IL7: variants seen among roughly 807,000 people sequenced by gnomAD.
The protein encoded by IL7 is interleukin-7.
A neutral mutation model predicts 21.6 loss-of-function variants in IL7; 3 were observed. The observed-to-expected ratio is 0.14, with a 90% CI of 0.06 to 0.36. IL7 has a LOEUF of 0.36. Ranked by LOEUF, IL7 falls within the 10% of genes least tolerant of loss-of-function variation. The pLI is 1.00. For synonymous variants in IL7, 62 were observed against 68.1 expected (o/e 0.91, Z 0.44); for missense variants, 175 against 200.2 (o/e 0.87, Z 0.76).
At chr8:78,686,634 T>C (rs752036141) in intron 3 of IL7, 2 of 1,444,150 alleles carry the variant, frequency 1.4e-6, no homozygotes, top group Non-Finnish European at 1.8e-6. Flanking sequence ...TTGACAGAAA[T>C]GTTCATGTGG....
chr8:78,743,725 C>T (rs139720920), intron 2 of IL7, among the ~76,000 whole-genome samples: 2 of 152,286 alleles, frequency 1.3e-5, no homozygotes, highest in African/African-American at 2.4e-5. Context: ...GAGGTTTCAG[C>T]ATTCTTGCTC....
intron 3 of IL7, among the ~76,000 whole-genome samples, chr8:78,702,952 T>C (rs964384487): frequency 6.6e-6 from 1 of 152,110 alleles, no homozygotes; most frequent in Non-Finnish European, 1.5e-5. Flanking sequence ...GCTATAGTGC[T>C]GTGGCATGAT....
intron 2 of IL7, among the ~76,000 whole-genome samples, chr8:78,776,065 T>G (rs566815543): frequency 6.6e-6 from 1 of 152,168 alleles, no homozygotes; most frequent in East Asian, 1.9e-4. Context: ...ATGATAAAAC[T>G]TTAATTTATA....
At chr8:78,696,443 G>C (rs1274371644) in intron 3 of IL7, among the ~76,000 whole-genome samples, 2 of 152,214 alleles carry the variant, frequency 1.3e-5, no homozygotes, top group African/African-American at 4.8e-5. Context: ...GCTAGAACCA[G>C]CATGAGTCTA....
At chr8:78,729,708 A>C (rs1191481257), downstream of IL7, among the ~76,000 whole-genome samples, 6 of 151,994 alleles carry the variant, frequency 3.9e-5, no homozygotes, top group African/African-American at 1.2e-4. Context: ...GATGCTCCTC[A>C]AGCTGAACTT....
intron 3 of IL7, among the ~76,000 whole-genome samples, chr8:78,702,298 G>T (rs530086646): frequency 6.6e-6 from 1 of 152,124 alleles, no homozygotes; most frequent in East Asian, 1.9e-4. Flanking sequence ...GTATTTCTAT[G>T]GGGTCAAGTG....
downstream of IL7, chr8:78,717,583 G>A (rs1811147692): frequency 1.5e-6 from 2 of 1,379,296 alleles, no homozygotes; most frequent in East Asian, 4.6e-5. Flanking sequence ...GTTAGTTTGT[G>A]CTAAAAATAC....
chr8:78,713,307 T>C (rs1484440756), downstream of IL7, among the ~76,000 whole-genome samples: 2 of 152,068 alleles, frequency 1.3e-5, no homozygotes, highest in Non-Finnish European at 2.9e-5. Flanking sequence ...GTATTTAATA[T>C]TGGTAGCTAT....
chr8:78,730,627 C>T (rs549215792), downstream of IL7, among the ~76,000 whole-genome samples: 6 of 151,982 alleles, frequency 3.9e-5, no homozygotes, highest in South Asian at 1.2e-3. Context: ...AATGTGTTTT[C>T]TAGATGATTT....
chr8:78,709,447 T>C (rs1226282352), intron 3 of IL7, among the ~76,000 whole-genome samples: 3 of 152,202 alleles, frequency 2.0e-5, no homozygotes, highest in Non-Finnish European at 4.4e-5. Context: ...CTAGAAATGC[T>C]TGTGATAACC....
intron 2 of IL7, among the ~76,000 whole-genome samples, chr8:78,790,947 A>G (rs553900569): frequency 1.3e-5 from 2 of 152,084 alleles, no homozygotes; most frequent in Admixed American, 6.6e-5. Flanking sequence ...AAAATGATTC[A>G]TATTTCCCGA....
At chr8:78,788,678 C>T (rs1243724069) in intron 2 of IL7, among the ~76,000 whole-genome samples, 4 of 152,046 alleles carry the variant, frequency 2.6e-5, no homozygotes, top group Non-Finnish European at 5.9e-5. Flanking sequence ...CCATGTGAGT[C>T]TGAGAAAAAT....
intron 2 of IL7, among the ~76,000 whole-genome samples, chr8:78,785,256 T>G (rs546432642): frequency 6.6e-6 from 1 of 152,296 alleles, no homozygotes; most frequent in Admixed American, 6.5e-5. Flanking sequence ...AAATTTCCTC[T>G]ATCATAGGTT....
intron 2 of IL7, among the ~76,000 whole-genome samples, chr8:78,796,650 AAG>A (rs756547760): frequency 9.9e-5 from 15 of 152,056 alleles, no homozygotes; most frequent in Admixed American, 8.5e-4. Context: ...AGTATCTGAA[AAG>A]ATGGTCAACA....
intron 3 of IL7, among the ~76,000 whole-genome samples, chr8:78,697,673 A>G (rs993638312): frequency 1.3e-5 from 2 of 150,392 alleles, no homozygotes; most frequent in Non-Finnish European, 3.0e-5. Flanking sequence ...AGTAGTTTCT[A>G]CTTTTAACCT....
intron 3 of IL7, among the ~76,000 whole-genome samples, chr8:78,738,955 C>T (rs1254885634): frequency 1.3e-5 from 2 of 152,014 alleles, no homozygotes; most frequent in African/African-American, 2.4e-5. Context: ...ACATGATAAC[C>T]GAAGGAGAAG....
intron 2 of IL7, among the ~76,000 whole-genome samples, chr8:78,788,020 G>C (rs1208088526): frequency 6.6e-6 from 1 of 152,142 alleles, no homozygotes; most frequent in South Asian, 2.1e-4. Flanking sequence ...CCTTGGCCAA[G>C]ATAAGTTAAT....
intron 4 of IL7, among the ~76,000 whole-genome samples, chr8:78,677,101 G>C (rs956711268): frequency 6.6e-6 from 1 of 152,046 alleles, no homozygotes; most frequent in Non-Finnish European, 1.5e-5. Context: ...AGCCTAAGAG[G>C]CTGCAAGACA....
intron 3 of IL7, among the ~76,000 whole-genome samples, chr8:78,687,894 A>C (rs1284502666): frequency 1.4e-5 from 1 of 71,990 alleles, no homozygotes; most frequent in Non-Finnish European, 3.2e-5. Flanking sequence ...TATATAATAA[A>C]TTATATATAT....
Sources: allele counts gnomAD v4.1 joint callset (sites outside exome capture counted in the v4.1 genomes callset), GRCh38; gene constraint gnomAD v4.1.1; transcripts MANE v1.5; gene names NCBI Gene and HGNC (gene_info 2026-07-23, HGNC 2026-07-21).